SLC9C1: variants seen among roughly 807,000 people sequenced by gnomAD.
The protein encoded by SLC9C1 is solute carrier family 9 member C1.
A neutral mutation model predicts 140.9 loss-of-function variants in SLC9C1; 97 were observed. The ratio of observed to expected loss-of-function variants is 0.69; its 90% CI spans 0.58 to 0.82. SLC9C1 has a LOEUF of 0.82. Ranked by LOEUF, SLC9C1 falls within the 40% of genes least tolerant of loss-of-function variation. The pLI is 0.00. For synonymous variants in SLC9C1, 440 were observed against 442.6 expected, an observed-to-expected ratio of 0.99 and a Z score of 0.07; for missense variants, 1,340 against 1,389.3, an observed-to-expected ratio of 0.96 and a Z score of 0.56.
intron 11 of SLC9C1, among the ~76,000 whole-genome samples, chr3:112,241,379 T>C (rs527554052): frequency 1.3e-5 from 2 of 152,174 alleles, no homozygotes; most frequent in South Asian, 2.1e-4. Flanking sequence ...TATCTAGGAA[T>C]AGAGCTAACG....
chr3:112,185,718 A>G (rs1416326538), intron 20 of SLC9C1: 4 of 1,539,952 alleles, frequency 2.6e-6, no homozygotes, highest in South Asian at 2.4e-5. Flanking sequence ...CTCCTCGGAC[A>G]CGGCGGCCTT....
Position 112,240,009 on chromosome 3 carries a change from T to A in SLC9C1, c.1280-3A>T, listed in dbSNP as rs996031587. Reference sequence around the variant, plus strand: ...TGTTGATGTGGCATCACGAAGACCTTTGATACAAACACACATTTGATAAAT... The same window carrying A: ...TGTTGATGTGGCATCACGAAGACCTATGATACAAACACACATTTGATAAAT... On this transcript the variant is annotated splice_polypyrimidine_tract_variant and splice_region_variant and intron_variant, in intron 11 of 28. Coordinates refer to ENST00000305815, the MANE Select transcript of SLC9C1 (RefSeq NM_183061.3). 7 of 1,607,322 alleles carry A rather than the reference T, an allele frequency of 4.4e-6. No homozygotes were observed. The highest frequency in any genetic ancestry group is 5.9e-6 in the Non-Finnish European group (7 of 1,176,646).
chr3:112,211,894 G>A (rs1026101543), intron 15 of SLC9C1, among the ~76,000 whole-genome samples: 18 of 152,312 alleles, frequency 1.2e-4, no homozygotes, highest in East Asian at 5.8e-4. Context: ...ATCTGAGAAC[G>A]GACAGACTGC....
intron 16 of SLC9C1, among the ~76,000 whole-genome samples, chr3:112,205,884 T>G (rs1413616785): frequency 3.2e-5 from 2 of 62,592 alleles, no homozygotes; most frequent in Non-Finnish European, 7.0e-5. Flanking sequence ...ACATTAGACC[T>G]AAAACCATAA....
chr3:112,224,805 AAAAGAGAG>A (rs1253958314), intron 13 of SLC9C1, among the ~76,000 whole-genome samples: 6 of 151,896 alleles, frequency 4.0e-5, no homozygotes, highest in East Asian at 1.9e-4. Flanking sequence ...AAGAAAAGAA[AAAAGAGAG>A]AAAGAGAGAA....
chr3:112,266,156 C>T (rs2108302348), intron 8 of SLC9C1, 82 bp downstream of exon 8: 3 of 1,009,344 alleles, frequency 3.0e-6, no homozygotes, highest in Middle Eastern at 3.1e-4. Context: ...TTACTTCGAC[C>T]ATGTAGATGT....
rs892794325 is a variant in SLC9C1, at chr3:112,170,695, G to T, written c.2920-1367C>A. On this transcript the variant is annotated intron_variant, in intron 23 of 28. Coordinates refer to ENST00000305815, the MANE Select transcript of SLC9C1 (RefSeq NM_183061.3). ...AAAATGCTTATGCTAAAAGTGAACA[G>T]ATCATTGGTTACTAAGAATAAAACT... Among the ~76,000 whole-genome samples, 6 of 152,174 alleles carry T rather than the reference G, an allele frequency of 3.9e-5. 1 individual carries two copies. Among genetic ancestry groups the T allele is most frequent in the Admixed American group, 3.3e-4 (5 of 15,284 alleles).
At chr3:112,277,904 A>C (rs755466735) in intron 4 of SLC9C1, 44 bp from the exon 5 acceptor site, 1 of 1,475,324 alleles carries the variant, frequency 6.8e-7, no homozygotes, top group Non-Finnish European at 9.3e-7. Context: ...CTGCTTTTGT[A>C]GTCCATTTTA....
At chr3:112,276,410 G>A (rs547959871) in intron 5 of SLC9C1, among the ~76,000 whole-genome samples, 45 of 150,896 alleles carry the variant, frequency 3.0e-4, no homozygotes, top group African/African-American at 9.5e-4. Context: ...ATATACACAC[G>A]TACACACACA....
chr3:112,155,187 G>A, intron 26 of SLC9C1, 138 bp from the exon 27 acceptor site: 1 of 620,026 alleles, frequency 1.6e-6, no homozygotes, highest in Non-Finnish European at 2.6e-6. Context: ...ATCTCATTTG[G>A]TTAAAAAAAA....
intron 23 of SLC9C1, among the ~76,000 whole-genome samples, chr3:112,173,208 A>G (rs2077277281): frequency 6.6e-6 from 1 of 152,226 alleles, no homozygotes; most frequent in African/African-American, 2.4e-5. Context: ...ACAAATTCCA[A>G]AAATCTCAGT....
chr3:112,269,339 G>A (rs1014353089), intron 7 of SLC9C1, among the ~76,000 whole-genome samples: 11 of 152,080 alleles, frequency 7.2e-5, no homozygotes, highest in Non-Finnish European at 1.5e-5. Context: ...CGAAATCCTG[G>A]GCTCAGTTGA....
chr3:112,192,349 A>G (rs1488931176), intron 20 of SLC9C1, among the ~76,000 whole-genome samples: 2 of 152,178 alleles, frequency 1.3e-5, no homozygotes, highest in Admixed American at 6.5e-5. Flanking sequence ...ATGCAATCAC[A>G]TAGTATTTGA....
intron 26 of SLC9C1, among the ~76,000 whole-genome samples, chr3:112,157,955 A>G (rs1216284040): frequency 6.6e-6 from 1 of 151,938 alleles, no homozygotes; most frequent in Non-Finnish European, 1.5e-5. Flanking sequence ...CTATTATGTC[A>G]TCTGCAAACG....
chr3:112,190,086 A>T (rs921802754), intron 20 of SLC9C1, among the ~76,000 whole-genome samples: 17 of 152,262 alleles, frequency 1.1e-4, no homozygotes, highest in African/African-American at 4.1e-4. Context: ...TTGGTTTTGT[A>T]TCCCGAGACT....
At chr3:112,255,360 T>C (rs1397048629) in intron 10 of SLC9C1, among the ~76,000 whole-genome samples, 1 of 151,650 alleles carries the variant, frequency 6.6e-6, no homozygotes. Context: ...GCAAATGCAA[T>C]AGAAAAAAAT....
chr3:112,270,107 G>C (rs1288520336), intron 6 of SLC9C1, 30 bp from the exon 7 acceptor site: 23 of 1,451,420 alleles, frequency 1.6e-5, no homozygotes, highest in Non-Finnish European at 2.0e-5. Context: ...ATAAGAAATA[G>C]TTAATAGAAC....
chr3:112,173,032 G>C (rs956359824), intron 23 of SLC9C1, among the ~76,000 whole-genome samples: 2 of 151,884 alleles, frequency 1.3e-5, no homozygotes, highest in African/African-American at 4.8e-5. Context: ...TTTTTTCAAG[G>C]TTTAGTATTT....
intron 15 of SLC9C1, among the ~76,000 whole-genome samples, chr3:112,215,703 T>A (rs996948412): frequency 7.9e-5 from 12 of 152,088 alleles, no homozygotes; most frequent in Middle Eastern, 3.4e-3. Context: ...ACAAAATAAA[T>A]GAGGATACAA....
Sources: gnomAD v4.1 joint callset for allele counts (sites outside exome capture counted in the v4.1 genomes callset) on GRCh38, gnomAD v4.1.1 for gene constraint, MANE v1.5 for transcripts, NCBI Gene and HGNC (gene_info 2026-07-23, HGNC 2026-07-21) for gene names.